The following BAIAP3 variants were observed in gnomAD, a reference collection of about 807,000 sequenced individuals.
BAIAP3 encodes BAI1 associated protein 3.
A neutral mutation model predicts 149.7 loss-of-function variants in BAIAP3; 180 were observed. The observed-to-expected ratio is 1.20, with a 90% CI of 1.07 to 1.36. BAIAP3 has a LOEUF of 1.36. Ranked by LOEUF, BAIAP3 falls within the 40% of genes most tolerant of loss-of-function variation. The probability of loss-of-function intolerance (pLI) is 0.00; values close to 1 mark genes in which losing one functional copy is unlikely to be tolerated. For synonymous variants in BAIAP3, 845 were observed against 670.7 expected (o/e 1.26, Z -4.02); for missense variants, 1,767 against 1,563.4 (o/e 1.13, Z -2.20).
chr16:1,343,751 G>A (rs1175980388), intron 15 of BAIAP3, among the ~76,000 whole-genome samples: 2 of 152,258 alleles, frequency 1.3e-5, no homozygotes, highest in Non-Finnish European at 2.9e-5. Flanking sequence ...CCGCCAAGGT[G>A]GCGCCCATCT....
rs768683876 is a variant in BAIAP3 at position 1,341,406 on chromosome 16, T to G, written c.648T>G (p.Gly216=). 2 of 1,612,664 alleles carry G rather than the reference T, an allele frequency of 1.2e-6. No individual in the cohort carries two copies. The highest frequency in any genetic ancestry group is 3.3e-5 in the Admixed American group (2 of 60,028). ...GCTTCCGCAAGGGCAGCAAGCGCGG[T>G]GGACCCCTGCCTGCCAAGTGCATCC... The part of the protein sequence containing the change: ...RFGFRKGSKR[G]GPLPAKCIQV... The change falls in exon 8 of 34, where the codon GGT becomes GGG. Residue 216 remains glycine, a synonymous_variant. Coordinates refer to ENST00000426824, the MANE Select transcript of BAIAP3 (RefSeq NM_001199097.2).
chr16:1,344,463 T>C lies in BAIAP3; in HGVS notation c.1603-6T>C, dbSNP rs760926933. 25 of 1,613,462 alleles carry C rather than the reference T, an allele frequency of 1.5e-5. 1 individual carries two copies. In the South Asian group the frequency reaches 2.6e-4, roughly 17 times the overall value. On this transcript the variant is annotated splice_polypyrimidine_tract_variant and splice_region_variant and intron_variant, in intron 17 of 33. Transcript: ENST00000426824. ...CACCATGCTGTCTTGGTGGTGTCTGTTGCAGAGAGGCAACCGTGAGTGGTA... is the reference window on the plus strand; with the variant it reads ...CACCATGCTGTCTTGGTGGTGTCTGCTGCAGAGAGGCAACCGTGAGTGGTA...
At chr16:1,337,956 C>T (rs1019300621) in intron 1 of BAIAP3, among the ~76,000 whole-genome samples, 10 of 152,166 alleles carry the variant, frequency 6.6e-5, no homozygotes, top group Admixed American at 6.5e-5. Flanking sequence ...GCTTGGTGAG[C>T]GAGGACCCCC....
At position 1,344,019 on chromosome 16, in the gene BAIAP3, CAGG is replaced by C. The variant is rs755053080; in HGVS notation, c.1390_1392del (p.Glu464del). ...CTGGCACTGAAGGGCCCTGTCCCCA[CAGG>C]AGGAGAGCCTGGCTGATAGCCTTTC... On this transcript the variant is annotated splice_acceptor_variant and coding_sequence_variant, in exon 16 of 34. Coordinates refer to ENST00000426824, the MANE Select transcript of BAIAP3 (RefSeq NM_001199097.2). LOFTEE classifies it high-confidence loss of function. 6.2e-7 allele frequency: 1 copy of C among 1,612,164 alleles called. No homozygotes were observed. The highest frequency in any genetic ancestry group is 8.5e-7 in the Non-Finnish European group (1 of 1,179,878).
rs779949690 is a variant in BAIAP3, at chr16:1,348,384, T to G, written c.3361T>G (p.Ser1121Ala). The G allele has an allele frequency of 1.2e-6, 2 of 1,612,354 alleles. No individual in the cohort carries two copies. The highest frequency in any genetic ancestry group is 1.1e-5 in the South Asian group (1 of 91,024). Residue 1121 changes from serine (S) to alanine (A), a missense_variant, in exon 34 of 34, where the codon TCT becomes GCT. Ser to Ala is a moderately conservative substitution (Grantham distance 99, BLOSUM62 1). Coordinates refer to ENST00000426824, the MANE Select transcript of BAIAP3 (RefSeq NM_001199097.2). ...HLCRPRAQVR[S>A]ALRRLEGRTS... ...CCTGCCCGCGCTGCTTGCAGTGAGA[T>G]CTGCGCTGAGGAGGCTGGAAGGCCG...
chr16:1,347,107 G>A, intron 28 of BAIAP3, 152 bp downstream of exon 28: 1 of 883,446 alleles, frequency 1.1e-6, no homozygotes, highest in South Asian at 1.7e-5. Context: ...TAATGCCGAG[G>A]TGTGGCCTCT....
Position 1,344,859 on chromosome 16 carries a change from G to A in BAIAP3, c.1809+10G>A, listed in dbSNP as rs2034202235. On this transcript the variant is annotated intron_variant, in intron 20 of 33. Transcript: ENST00000426824. ...GCAGCTGGAGCGTCTGGTGAGGAGG[G>A]TCCCTGACCCCGGGTGCCTGCCAGG... The A allele has an allele frequency of 1.2e-6, 2 of 1,613,696 alleles. No individual in the cohort carries two copies. Among genetic ancestry groups the A allele is most frequent in the African/African-American group, 1.3e-5 (1 of 75,058 alleles).
chr16:1,342,669 G>A (rs373531765), intron 12 of BAIAP3, 35 bp downstream of exon 12: 62 of 1,609,278 alleles, frequency 3.9e-5, no homozygotes, highest in South Asian at 7.7e-5. Flanking sequence ...CTCCACCCCC[G>A]TCCTTGGGGC....
intron 24 of BAIAP3, 32 bp downstream of exon 24, chr16:1,346,110 G>A: frequency 6.2e-7 from 1 of 1,605,402 alleles, no homozygotes; most frequent in Non-Finnish European, 8.5e-7. Context: ...GGAGCCGGCA[G>A]GAGGTGGGGG....
At chr16:1,345,144 G>A (rs2034224759) in intron 21 of BAIAP3, 45 bp downstream of exon 21, 8 of 1,611,654 alleles carry the variant, frequency 5.0e-6, no homozygotes, top group Non-Finnish European at 6.8e-6. Context: ...TTTGGGACCA[G>A]GGCCCCAGGA....
intron 5 of BAIAP3, 149 bp from the exon 6 acceptor site, chr16:1,340,773 C>T (rs1596568569): frequency 3.7e-6 from 3 of 814,862 alleles, no homozygotes; most frequent in Non-Finnish European, 5.9e-6. Flanking sequence ...CACAAACCCT[C>T]TGCCGCTGCC....
At chr16:1,343,595 G>T in intron 15 of BAIAP3, 82 bp downstream of exon 15, 1 of 1,549,898 alleles carries the variant, frequency 6.5e-7, no homozygotes, top group Non-Finnish European at 8.7e-7. Context: ...GTCGGCGAGG[G>T]GCAGAGTCCT....
chr16:1,344,161 G>C lies in BAIAP3; in HGVS notation c.1511+15G>C. On this transcript the variant is annotated intron_variant, in intron 16 of 33. Coordinates refer to ENST00000426824, the MANE Select transcript of BAIAP3 (RefSeq NM_001199097.2). ...CTGCTGCTGAAGTGGGTGCAGCGCCGCGTGTCAGCGTGGGTGGGGGCGGCT... is the reference window on the plus strand; with the variant it reads ...CTGCTGCTGAAGTGGGTGCAGCGCCCCGTGTCAGCGTGGGTGGGGGCGGCT... The C allele has an allele frequency of 6.2e-7, 1 of 1,611,930 alleles. No individual in the cohort carries two copies. Among genetic ancestry groups the C allele is most frequent in the Non-Finnish European group, 8.5e-7 (1 of 1,179,616 alleles).
rs1378479068 is a variant in BAIAP3, at chr16:1,348,560, T to A, written c.*78T>A. The A allele has an allele frequency of 1.4e-6, 2 of 1,426,794 alleles. No homozygotes were observed. Among genetic ancestry groups the A allele is most frequent in the Non-Finnish European group, 1.9e-6 (2 of 1,038,318 alleles). 88.4% of individuals were successfully genotyped at this position (1,426,794 alleles called of 1,614,324 possible). ...ATCCTCCAGCTCACTGTGGCCAGCT[T>A]TGTGCAACCAGGGCCCACGGCGCCC... On this transcript the variant is annotated 3_prime_UTR_variant, in exon 34 of 34. Coordinates refer to ENST00000426824, the MANE Select transcript of BAIAP3 (RefSeq NM_001199097.2).
chr16:1,335,112 G>A (rs886301844), intron 1 of BAIAP3, among the ~76,000 whole-genome samples: 2 of 152,246 alleles, frequency 1.3e-5, no homozygotes, highest in Non-Finnish European at 1.5e-5. Flanking sequence ...GCAGGAGACA[G>A]CTTGGCTTAA....
At position 1,341,141 on chromosome 16, in the gene BAIAP3, G is replaced by T. The variant is rs766518263; in HGVS notation, c.481G>T (p.Ala161Ser). 1 of 1,612,686 alleles carries T rather than the reference G, an allele frequency of 6.2e-7. No homozygotes were observed. Among genetic ancestry groups the T allele is most frequent in the Non-Finnish European group, 8.5e-7 (1 of 1,179,792 alleles). Reference sequence around the variant, plus strand: ...CCTCTGTCCACAGGCCCCCACGTATGCCCTGAAAGTCTCTGTCATGCGTGC... The same window carrying T: ...CCTCTGTCCACAGGCCCCCACGTATTCCCTGAAAGTCTCTGTCATGCGTGC... ...RVRKAKAPTY[A>S]LKVSVMRAKN... The change falls in exon 7 of 34, where the codon GCC becomes TCC. Residue 161 changes from alanine to serine, a missense_variant. By Grantham distance (99) the Ala-to-Ser change is moderately conservative. Coordinates refer to ENST00000426824, the MANE Select transcript of BAIAP3 (RefSeq NM_001199097.2).
chr16:1,346,425 A>G lies in BAIAP3; in HGVS notation c.2494-17A>G, dbSNP rs1410400151. 9.9e-6 allele frequency: 16 copies of G among 1,612,160 alleles called. No homozygotes were observed. The highest frequency in any genetic ancestry group is 1.0e-5 in the Non-Finnish European group (12 of 1,179,680). ...CTGGTGCCCCCTGCCCGTGCTGAGC[A>G]CTGCTCCTGCCCTCAGATGGTGGGC... On this transcript the variant is annotated splice_polypyrimidine_tract_variant and intron_variant, in intron 25 of 33. Transcript: ENST00000426824.
Position 1,341,390 on chromosome 16 carries a change from AG to A in BAIAP3, c.635del (p.Gly212AlafsTer18). On this transcript the variant is annotated frameshift_variant, in exon 8 of 34. Coordinates refer to ENST00000426824, the MANE Select transcript of BAIAP3 (RefSeq NM_001199097.2). LOFTEE classifies it high-confidence loss of function. ...AAGGAGCAGCGCTTCGGCTTCCGCA[AG>A]GGCAGCAAGCGCGGTGGACCCCTGC... ...AQKEQRFGFR[K>X]GSKRGGPLPA... is the part of the protein sequence containing the mutation. The A allele has an allele frequency of 6.2e-7, 1 of 1,612,630 alleles. No individual in the cohort carries two copies. The highest frequency in any genetic ancestry group is 8.5e-7 in the Non-Finnish European group (1 of 1,179,900).
chr16:1,340,919 C>G lies in BAIAP3; in HGVS notation c.409-3C>G. The G allele has an allele frequency of 6.4e-7, 1 of 1,568,858 alleles. No individual in the cohort carries two copies. The highest frequency in any genetic ancestry group is 1.3e-5 in the African/African-American group (1 of 74,074). ...GCCCTGCCAACCCAGCCACCCTCCACAGGTGTTTGGCACCAGCCTTGAGGA... is the reference window on the plus strand; with the variant it reads ...GCCCTGCCAACCCAGCCACCCTCCAGAGGTGTTTGGCACCAGCCTTGAGGA... On this transcript the variant is annotated splice_region_variant and splice_polypyrimidine_tract_variant and intron_variant, in intron 5 of 33. Coordinates refer to ENST00000426824, the MANE Select transcript of BAIAP3 (RefSeq NM_001199097.2).
Sources: allele counts gnomAD v4.1 joint callset (sites outside exome capture counted in the v4.1 genomes callset), GRCh38; gene constraint gnomAD v4.1.1; transcripts MANE v1.5; gene names NCBI Gene and HGNC (gene_info 2026-07-23, HGNC 2026-07-21).